Variants in SLC9A9 observed in about 807,000 individuals in gnomAD.
SLC9A9 encodes sodium/hydrogen exchanger 9.
SLC9A9 carries 62 observed loss-of-function variants against 77.8 expected under a neutral mutation model. The ratio of observed to expected loss-of-function variants is 0.80; its 90% CI spans 0.65 to 0.98. The LOEUF (loss-of-function observed/expected upper bound fraction) is 0.98, where lower values mean the gene tolerates loss of function less well. Ranked by LOEUF, SLC9A9 falls within the 50% of genes least tolerant of loss-of-function variation. The pLI, the probability that SLC9A9 is intolerant of heterozygous loss-of-function variation, is 0.00. For missense variants in SLC9A9, 775 were observed against 774.9 expected (o/e 1.00, Z 0.00); for synonymous variants, 320 against 283.5 (o/e 1.13, Z -1.29).
At chr3:143,836,444 G>A (rs1371092505) in intron 1 of SLC9A9, among the ~76,000 whole-genome samples, 9 of 152,144 alleles carry the variant, frequency 5.9e-5, no homozygotes, top group African/African-American at 9.7e-5. Flanking sequence ...AAGGTCCTCC[G>A]AGTTTATGTA....
At chr3:143,808,678 G>C (rs1008433630) in intron 2 of SLC9A9, among the ~76,000 whole-genome samples, 4 of 152,142 alleles carry the variant, frequency 2.6e-5, no homozygotes. Context: ...TGGACACTCA[G>C]AGCCAAATTT....
intron 2 of SLC9A9, among the ~76,000 whole-genome samples, chr3:143,826,908 C>CT (rs2009314746): frequency 6.6e-6 from 1 of 152,150 alleles, no homozygotes. Flanking sequence ...TCTTGTCCCA[C>CT]TTTTTTGATA....
chr3:143,353,444 G>A (rs2032515971), intron 14 of SLC9A9, among the ~76,000 whole-genome samples: 1 of 152,156 alleles, frequency 6.6e-6, no homozygotes, highest in East Asian at 1.9e-4. Context: ...CACCACATGA[G>A]GATAGAGCAA....
intron 11 of SLC9A9, among the ~76,000 whole-genome samples, chr3:143,486,243 C>A (rs1475088421): frequency 6.6e-6 from 1 of 152,098 alleles, no homozygotes; most frequent in Non-Finnish European, 1.5e-5. Context: ...TTAAGGCATT[C>A]CCAAGTAAAC....
chr3:143,556,694 C>T (rs1023081309), intron 8 of SLC9A9, among the ~76,000 whole-genome samples: 5 of 152,182 alleles, frequency 3.3e-5, no homozygotes, highest in Non-Finnish European at 5.9e-5. Flanking sequence ...TTGAGATCTC[C>T]ACCAACTCTC....
chr3:143,320,912 T>C (rs1354950501), intron 14 of SLC9A9, among the ~76,000 whole-genome samples: 1 of 152,048 alleles, frequency 6.6e-6, no homozygotes, highest in Admixed American at 6.5e-5. Context: ...AATTTGTACA[T>C]AGAGACACAG....
At chr3:143,447,556 T>C (rs2034867665) in intron 12 of SLC9A9, among the ~76,000 whole-genome samples, 1 of 152,176 alleles carries the variant, frequency 6.6e-6, no homozygotes, top group Non-Finnish European at 1.5e-5. Context: ...TATTCCCTAA[T>C]GGTGTTCCTG....
At chr3:143,430,343 TC>T (rs1334361161) in intron 12 of SLC9A9, among the ~76,000 whole-genome samples, 2 of 152,174 alleles carry the variant, frequency 1.3e-5, no homozygotes, top group African/African-American at 4.8e-5. Context: ...GATAGAAACC[TC>T]TTTTGACAAA....
chr3:143,653,997 T>A (rs970838051), intron 5 of SLC9A9, among the ~76,000 whole-genome samples: 7 of 152,050 alleles, frequency 4.6e-5, no homozygotes, highest in Non-Finnish European at 8.8e-5. Flanking sequence ...CAGAGATATT[T>A]GAGATGGAAA....
chr3:143,332,029 G>T (rs921398740), intron 14 of SLC9A9, among the ~76,000 whole-genome samples: 1 of 152,142 alleles, frequency 6.6e-6, no homozygotes, highest in South Asian at 2.1e-4. Context: ...TGGAGTTAAG[G>T]TTTCATGCTT....
intron 14 of SLC9A9, among the ~76,000 whole-genome samples, chr3:143,276,104 T>C (rs1938040036): frequency 6.6e-6 from 1 of 152,184 alleles, no homozygotes; most frequent in Non-Finnish European, 1.5e-5. Flanking sequence ...TTCTCCTCAG[T>C]ATAGGGCCCT....
At chr3:143,560,842 A>C (rs1354673758) in intron 8 of SLC9A9, among the ~76,000 whole-genome samples, 1 of 152,250 alleles carries the variant, frequency 6.6e-6, no homozygotes, top group Non-Finnish European at 1.5e-5. Context: ...CATAGGCTAA[A>C]TAAATGTATC....
chr3:143,267,803 C>A (rs1213408988), intron 15 of SLC9A9, among the ~76,000 whole-genome samples: 1 of 152,222 alleles, frequency 6.6e-6, no homozygotes. Flanking sequence ...TACAGAGGTT[C>A]CCTTGAAAGA....
intron 12 of SLC9A9, among the ~76,000 whole-genome samples, chr3:143,428,426 C>G (rs2034446192): frequency 1.3e-5 from 2 of 152,120 alleles, no homozygotes; most frequent in African/African-American, 4.8e-5. Flanking sequence ...GACCTCCCCA[C>G]CCCAGAAAAA....
chr3:143,575,643 T>C (rs1228350685), intron 7 of SLC9A9, among the ~76,000 whole-genome samples: 2 of 152,174 alleles, frequency 1.3e-5, no homozygotes, highest in Admixed American at 1.3e-4. Flanking sequence ...TAGAGGGAAG[T>C]CTTTGTTTCT....
At chr3:143,310,880 T>G (rs2030993954) in intron 14 of SLC9A9, among the ~76,000 whole-genome samples, 1 of 152,192 alleles carries the variant, frequency 6.6e-6, no homozygotes, top group Non-Finnish European at 1.5e-5. Context: ...AAAGATATTC[T>G]GGGTCTAAAA....
intron 4 of SLC9A9, among the ~76,000 whole-genome samples, chr3:143,782,333 A>C (rs1304133498): frequency 6.6e-6 from 1 of 152,220 alleles, no homozygotes; most frequent in Non-Finnish European, 1.5e-5. Flanking sequence ...GAATTACCTA[A>C]GGCTCTTGTT....
intron 4 of SLC9A9, among the ~76,000 whole-genome samples, chr3:143,733,972 G>T (rs992077615): frequency 6.6e-6 from 1 of 152,154 alleles, no homozygotes; most frequent in African/African-American, 2.4e-5. Flanking sequence ...CAAGGTAGGA[G>T]GATTGCTTGA....
chr3:143,473,044 C>T lies in SLC9A9; in HGVS notation c.1316-5854G>A, dbSNP rs184253238. Among the ~76,000 whole-genome samples, 133 of 151,532 alleles carry T rather than the reference C, an allele frequency of 8.8e-4. 1 individual carries two copies. The highest frequency in any genetic ancestry group is 3.4e-3 in the Middle Eastern group (1 of 294). ...TCACTAGAAGTGCACATCAGAATCA[C>T]GTGGAACTTAAAAATATATGTAGTC... On this transcript the variant is annotated intron_variant, in intron 11 of 15. Coordinates refer to ENST00000316549, the MANE Select transcript of SLC9A9 (RefSeq NM_173653.4).
Sources: gnomAD v4.1 joint callset for allele counts (sites outside exome capture counted in the v4.1 genomes callset) on GRCh38, gnomAD v4.1.1 for gene constraint, MANE v1.5 for transcripts, NCBI Gene and HGNC (gene_info 2026-07-23, HGNC 2026-07-21) for gene names.